Variants in FASN observed in about 807,000 individuals in gnomAD.
FASN encodes fatty acid synthase, also known as 3-hydroxyacyl-[acyl-carrier-protein] dehydratase.
FASN carries 50 observed loss-of-function variants against 250.0 expected under a neutral mutation model. The observed-to-expected ratio is 0.20, with a 90% CI of 0.16 to 0.25. FASN has a LOEUF of 0.25. FASN is among the 10% of genes least tolerant of loss of function. The pLI, the probability that FASN is intolerant of heterozygous loss-of-function variation, is 1.00. For missense variants in FASN, 3,031 were observed against 3,498.5 expected, an observed-to-expected ratio of 0.87 and a Z score of 3.37; for synonymous variants, 1,909 against 1,584.0, an observed-to-expected ratio of 1.21 and a Z score of -4.87.
chr17:82,086,935 G>A (rs1453765633), intron 21 of FASN, 115 bp downstream of exon 21: 2 of 1,173,358 alleles, frequency 1.7e-6, no homozygotes, highest in East Asian at 2.5e-5. Flanking sequence ...GGTTGGGCTA[G>A]GGTTGCTGAC....
At position 82,093,776 on chromosome 17, in the gene FASN, C is replaced by T; in HGVS notation, c.281-5G>A. ...GGAGTGAATCTGGGTTGATGCCTGC[C>T]ACAAACAGTGGTCAAGGTGCCACGG... On this transcript the variant is annotated splice_polypyrimidine_tract_variant and splice_region_variant and intron_variant, in intron 3 of 42. Transcript: ENST00000306749. 6.2e-7 allele frequency: 1 copy of T among 1,612,382 alleles called. No individual in the cohort carries two copies. The highest frequency in any genetic ancestry group is 8.5e-7 in the Non-Finnish European group (1 of 1,179,830).
Position 82,081,655 on chromosome 17 carries a change from A to G in FASN, c.6352T>C (p.Tyr2118His), listed in dbSNP as rs900214717. Reference protein sequence around the residue: ...SFVLAEKAAAYRDRDSQRDLV... With the variant: ...SFVLAEKAAAHRDRDSQRDLV... ...TCCCGCTGGCTGTCCCTGTCCCTAT[A>G]GGCCGCAGCCTTCTCAGCCAGCACA... Residue 2118 changes from tyrosine (Y) to histidine (H), a missense_variant, in exon 37 of 43, where the codon TAT becomes CAT. Transcript: ENST00000306749. 2 of 1,612,590 alleles carry G rather than the reference A, an allele frequency of 1.2e-6. No individual in the cohort carries two copies. The highest frequency in any genetic ancestry group is 3.3e-5 in the Admixed American group (2 of 59,996).
chr17:82,081,489 C>G, intron 37 of FASN, 112 bp downstream of exon 37: 2 of 1,588,456 alleles, frequency 1.3e-6, no homozygotes, highest in East Asian at 2.2e-5. Context: ...GCGCCCGCAC[C>G]CTGGCTCTGC....
chr17:82,088,696 C>T, intron 15 of FASN, 65 bp downstream of exon 15: 1 of 1,535,064 alleles, frequency 6.5e-7, no homozygotes, highest in Non-Finnish European at 9.0e-7. Context: ...GCCCGCAGCC[C>T]CGCTCACCCA....
In FASN at chr17:82,093,629, G is replaced by A. The variant is rs2034253424; in HGVS notation, c.423C>T (p.Ala141=). The A allele has an allele frequency of 6.2e-7, 1 of 1,612,790 alleles. No homozygotes were observed. Among genetic ancestry groups the A allele is most frequent in the South Asian group, 1.1e-5 (1 of 91,088 alleles). ...AGTCGAAGAAGAAGGAGAGCCGGTT[G>A]GCCATCATCGCTCGCTGGCAGCCCA... ...SMVGCQRAMM[A]NRLSFFFDFR... Residue 141 remains alanine, a synonymous_variant, in exon 4 of 43, where the codon GCC becomes GCT. Coordinates refer to ENST00000306749, the MANE Select transcript of FASN (RefSeq NM_004104.5).
rs764074549 is a variant in FASN, at chr17:82,083,327, C to T, written c.5440G>A (p.Val1814Met). ...ACCCCATCCCGGATGCCGGCCTGCA[C>T]AAGCGCCCACACCTCCCGCCAGTCA... is the stretch of plus-strand genomic sequence containing the variant. ...SADWREVWAL[V>M]QAGIRDGVVR... The change falls in exon 32 of 43, where the codon GTG becomes ATG. Residue 1814 changes from valine to methionine, a missense_variant. Physicochemically the swap from Val to Met is conservative, Grantham distance 21. Transcript: ENST00000306749. The T allele has an allele frequency of 1.6e-5, 26 of 1,612,748 alleles. No homozygotes were observed. The highest frequency in any genetic ancestry group is 1.0e-4 in the Admixed American group (6 of 60,030).
In FASN at chr17:82,082,337, G is replaced by C; in HGVS notation, c.5997C>G (p.Thr1999=). 6.2e-7 allele frequency: 1 copy of C among 1,612,796 alleles called. No homozygotes were observed. Residue 1999 remains threonine (T), a synonymous_variant, in exon 35 of 43, where the codon ACC becomes ACG. Transcript: ENST00000306749. ...GCGGTACCCACCTGTCCAGGTTCAG[G>C]GTGCCGCTGTACTTGGGCTTGCAGA... ...QDVCKPKYSG[T]LNLDRVTREA... is the part of the protein sequence containing the mutation.
Position 82,082,589 on chromosome 17 carries a change from G to T in FASN, c.5857C>A (p.Arg1953=). The change falls in exon 34 of 43, where the codon CGG becomes AGG. Residue 1953 remains arginine (R), a synonymous_variant. Coordinates refer to ENST00000306749, the MANE Select transcript of FASN (RefSeq NM_004104.5). ...TSNISSLEGA[R]GLIAEAAQLG... ...TGCGCCGCCTCGGCAATGAGGCCCC[G>T]GGCCCCCTCCAGTGAGCTGATGTTG... The T allele has an allele frequency of 6.2e-7, 1 of 1,610,082 alleles. No homozygotes were observed.
chr17:82,080,619 T>C, intron 39 of FASN, 29 bp from the exon 40 acceptor site: 2 of 1,551,834 alleles, frequency 1.3e-6, no homozygotes, highest in South Asian at 1.2e-5. Context: ...GCACTCAGCA[T>C]GTGCAGGCGG....
rs140356212 is a variant in FASN at position 82,087,730 on chromosome 17, C to G, written c.2998G>C (p.Asp1000His). ...VYKELRLRGY[D>H]YGPHFQGILE... is the part of the protein sequence containing the mutation. ...ATGCCCTGGAAATGAGGGCCGTAGT[C>G]GTAGCCACGCAGACGCAGCTCCTTG... The change falls in exon 19 of 43, where the codon GAC (aspartate) becomes CAC (histidine). Residue 1000 changes from aspartate (D) to histidine (H), a missense_variant. Physicochemically the swap from Asp to His is moderately conservative, Grantham distance 81. Transcript: ENST00000306749. The G allele has an allele frequency of 1.2e-6, 2 of 1,612,366 alleles. No homozygotes were observed. Among genetic ancestry groups the G allele is most frequent in the Non-Finnish European group, 1.7e-6 (2 of 1,180,006 alleles).
Position 82,084,365 on chromosome 17 carries a change from G to A in FASN, c.4788C>T (p.Asp1596=). 6.2e-7 allele frequency: 1 copy of A among 1,607,080 alleles called. No individual in the cohort carries two copies. The highest frequency in any genetic ancestry group is 8.5e-7 in the Non-Finnish European group (1 of 1,177,558). Residue 1596 remains aspartate (D), a synonymous_variant, in exon 28 of 43, where the codon GAC becomes GAT. Coordinates refer to ENST00000306749, the MANE Select transcript of FASN (RefSeq NM_004104.5). The stretch of plus-strand genomic sequence containing the variant: ...CCGAGAACTCCATACCTAGCAGGCT[G>A]TCCTGGGAGGTCCACTTCCCTGGGG... The part of the protein sequence containing the change: ...DAIPGKWTSQ[D]SLLGMEFSGR...
Position 82,079,116 on chromosome 17 carries a change from C to T in FASN, c.*27G>A, listed in dbSNP as rs780846882. ...GGGTGGGGTGGGGATGGTGGAGTGA[C>T]CTCCGGTGGCAGGCGGGGGCACGGG... is the stretch of plus-strand genomic sequence containing the variant. On this transcript the variant is annotated 3_prime_UTR_variant, in exon 43 of 43. Transcript: ENST00000306749. 1 of 1,602,482 alleles carries T rather than the reference C, an allele frequency of 6.2e-7. No homozygotes were observed. The highest frequency in any genetic ancestry group is 8.5e-7 in the Non-Finnish European group (1 of 1,178,440).
In FASN at chr17:82,092,451, C is replaced by T. The variant is rs1375478507; in HGVS notation, c.1029+4G>A. Reference sequence around the variant, plus strand: ...GAGGGACCCCCAAGCCCAGCCCCACCTACCTTGGCCAGGGCTGCCAGCCCC... The same window carrying T: ...GAGGGACCCCCAAGCCCAGCCCCACTTACCTTGGCCAGGGCTGCCAGCCCC... On this transcript the variant is annotated splice_donor_region_variant and intron_variant, in intron 8 of 42. Coordinates refer to ENST00000306749, the MANE Select transcript of FASN (RefSeq NM_004104.5). 6.4e-7 allele frequency: 1 copy of T among 1,567,578 alleles called. No individual in the cohort carries two copies. The highest frequency in any genetic ancestry group is 1.2e-5 in the South Asian group (1 of 86,228).
At position 82,084,529 on chromosome 17, in the gene FASN, G is replaced by A; in HGVS notation, c.4752C>T (p.Ser1584=). 6.2e-7 allele frequency: 1 copy of A among 1,610,378 alleles called. No individual in the cohort carries two copies. Among genetic ancestry groups the A allele is most frequent in the Admixed American group, 1.7e-5 (1 of 59,650 alleles). The change falls in exon 27 of 43, where the codon TCC becomes TCT. Residue 1584 remains serine, a synonymous_variant. Coordinates refer to ENST00000306749, the MANE Select transcript of FASN (RefSeq NM_004104.5). ...CACCCATACCTGGGATGGCATCAGG[G>A]GACAGCTTGCCAGTGGCCAGCATGA... ...RDIMLATGKL[S]PDAIPGKWTS...
Position 82,083,608 on chromosome 17 carries a change from T to C in FASN, c.5250A>G (p.Glu1750=), listed in dbSNP as rs1244021544. 3 of 1,611,448 alleles carry C rather than the reference T, an allele frequency of 1.9e-6. No homozygotes were observed. Among genetic ancestry groups the C allele is most frequent in the Non-Finnish European group, 1.7e-6 (2 of 1,179,394 alleles). The change falls in exon 31 of 43, where the codon GAA becomes GAG. Residue 1750 remains glutamate, a synonymous_variant. Coordinates refer to ENST00000306749, the MANE Select transcript of FASN (RefSeq NM_004104.5). ...ACCTCACGCTGGCCTGCAGCTTCTCTTCCGCCAAGGAGTTCAAGACCAGGT... is the reference window on the plus strand; with the variant it reads ...ACCTCACGCTGGCCTGCAGCTTCTCCTCCGCCAAGGAGTTCAAGACCAGGT... ...GVDLVLNSLA[E]EKLQASVRCL...
intron 3 of FASN, among the ~76,000 whole-genome samples, chr17:82,094,755 C>G (rs140237045): frequency 3.3e-5 from 5 of 151,614 alleles, no homozygotes; most frequent in African/African-American, 9.7e-5. Context: ...CGCCACTGCA[C>G]TCCAACCTGG....
At chr17:82,080,035 G>T in intron 41 of FASN, 105 bp downstream of exon 41, 3 of 1,224,424 alleles carry the variant, frequency 2.5e-6, no homozygotes, top group Non-Finnish European at 3.6e-6. Context: ...GGGTGAAGTT[G>T]GGGGGCCTTT....
At chr17:82,079,321 G>A (rs757236367) in intron 42 of FASN, 36 bp downstream of exon 42, 1 of 1,612,706 alleles carries the variant, frequency 6.2e-7, no homozygotes, top group Non-Finnish European at 8.5e-7. Context: ...CCCCACTCCT[G>A]TCCCTGTCCC....
In FASN at chr17:82,083,330, G is replaced by A. The variant is rs751720814; in HGVS notation, c.5437C>T (p.Leu1813Phe). 27 of 1,612,560 alleles carry A rather than the reference G, an allele frequency of 1.7e-5. No homozygotes were observed. In the South Asian group the frequency reaches 2.4e-4, roughly 14 times the overall value. The change falls in exon 32 of 43, where the codon CTT becomes TTT. Residue 1813 changes from leucine (L) to phenylalanine (F), a missense_variant. Transcript: ENST00000306749. ...CCATCCCGGATGCCGGCCTGCACAA[G>A]CGCCCACACCTCCCGCCAGTCAGCA... ...SSADWREVWA[L>F]VQAGIRDGVV...
Sources: allele counts gnomAD v4.1 joint callset (sites outside exome capture counted in the v4.1 genomes callset), GRCh38; gene constraint gnomAD v4.1.1; transcripts MANE v1.5; gene names NCBI Gene and HGNC (gene_info 2026-07-23, HGNC 2026-07-21).